The following MPPED1 variants were observed in gnomAD, a reference collection of about 807,000 sequenced individuals.
MPPED1 encodes metallophosphoesterase domain-containing protein 1.
Under a neutral mutation model 36.2 loss-of-function variants are expected in MPPED1, and 16 were observed. The ratio of observed to expected loss-of-function variants is 0.44; its 90% confidence interval spans 0.30 to 0.67. The LOEUF (loss-of-function observed/expected upper bound fraction) is 0.67, where lower values mean the gene tolerates loss of function less well. Ranked by LOEUF, MPPED1 falls within the 30% of genes least tolerant of loss-of-function variation. The pLI is 0.10. For missense variants in MPPED1, 307 were observed against 453.4 expected, an observed-to-expected ratio of 0.68 and a Z score of 2.93; for synonymous variants, 199 against 191.3, an observed-to-expected ratio of 1.04 and a Z score of -0.33.
chr22:43,436,974 A>AG (rs1929983122), intron 3 of MPPED1, among the ~76,000 whole-genome samples: 1 of 152,238 alleles, frequency 6.6e-6, no homozygotes, highest in African/African-American at 2.4e-5. Context: ...CAACTTGTAA[A>AG]GGGGTCTTCC....
intron 3 of MPPED1, among the ~76,000 whole-genome samples, chr22:43,473,008 G>A (rs1931428533): frequency 6.6e-6 from 1 of 152,238 alleles, no homozygotes. Flanking sequence ...TGAGTGTGAT[G>A]GCACATCTTC....
intron 1 of MPPED1, among the ~76,000 whole-genome samples, chr22:43,420,725 C>G (rs1290101240): frequency 6.6e-6 from 1 of 152,178 alleles, no homozygotes; most frequent in Non-Finnish European, 1.5e-5. Flanking sequence ...CTTGATCACC[C>G]AATTTAGTCA....
intron 4 of MPPED1, among the ~76,000 whole-genome samples, chr22:43,496,314 C>T (rs868316128): frequency 0.13 from 718 of 5,444 alleles, 52 homozygotes; most frequent in African/African-American, 0.16. Context: ...GTAGTGGTGG[C>T]GGAGATGGTG....
chr22:43,453,640 C>T (rs1449855696), intron 3 of MPPED1, among the ~76,000 whole-genome samples: 8 of 152,116 alleles, frequency 5.3e-5, no homozygotes. Context: ...TTGTTTATTT[C>T]CAAGATGAGA....
At position 43,425,171 on chromosome 22, in the gene MPPED1, C is replaced by T. The variant is rs1048450771; in HGVS notation, c.186C>T (p.Asn62=). 3.1e-6 allele frequency: 5 copies of T among 1,602,898 alleles called. 1 individual carries two copies. The highest frequency in any genetic ancestry group is 4.3e-6 in the Non-Finnish European group (5 of 1,172,298). ...CCACCCAGGCCTTCACCTTCTACAA[C>T]ATCAACCAGGGCCGCTTCCAGCCAC... ...SNPTQAFTFY[N]INQGRFQPPH... The change falls in exon 2 of 7, where the codon AAC becomes AAT. Residue 62 remains asparagine (N), a synonymous_variant. Coordinates refer to ENST00000443721, the MANE Select transcript of MPPED1 (RefSeq NM_001044370.2).
At chr22:43,422,905 C>T (rs1243666464) in intron 1 of MPPED1, among the ~76,000 whole-genome samples, 1 of 152,100 alleles carries the variant, frequency 6.6e-6, no homozygotes, top group Non-Finnish European at 1.5e-5. Context: ...GGCGCTGTCT[C>T]GGCTCACTGC....
intron 4 of MPPED1, among the ~76,000 whole-genome samples, chr22:43,487,831 A>G (rs989527375): frequency 1.3e-5 from 2 of 152,018 alleles, no homozygotes; most frequent in African/African-American, 4.8e-5. Context: ...GGGCCTCCCA[A>G]CTGTTTTGCC....
intron 4 of MPPED1, among the ~76,000 whole-genome samples, chr22:43,479,407 G>C (rs1931679624): frequency 6.6e-6 from 1 of 152,246 alleles, no homozygotes; most frequent in Non-Finnish European, 1.5e-5. Context: ...CCAGGCTGAG[G>C]GGCAGACGTG....
intron 3 of MPPED1, among the ~76,000 whole-genome samples, chr22:43,452,480 T>A (rs1362353006): frequency 6.6e-6 from 1 of 151,988 alleles, no homozygotes; most frequent in Non-Finnish European, 1.5e-5. Context: ...AGGAAGGGAC[T>A]GTAGGGGGCC....
intron 3 of MPPED1, among the ~76,000 whole-genome samples, chr22:43,451,005 T>A (rs1007731263): frequency 6.7e-6 from 1 of 150,052 alleles, no homozygotes. Flanking sequence ...GGATTACAGG[T>A]GTGAGCCACT....
At chr22:43,446,187 T>C (rs956305829) in intron 3 of MPPED1, among the ~76,000 whole-genome samples, 1 of 152,228 alleles carries the variant, frequency 6.6e-6, no homozygotes, top group Non-Finnish European at 1.5e-5. Context: ...TTACTTTTAA[T>C]GCATTTTTAA....
At chr22:43,432,496 GGA>G (rs1187824429) in intron 2 of MPPED1, among the ~76,000 whole-genome samples, 8 of 120,996 alleles carry the variant, frequency 6.6e-5, no homozygotes, top group Admixed American at 1.7e-4. Flanking sequence ...GAGAAAGGGA[GGA>G]GAGAGAGGGA....
At chr22:43,462,428 T>C (rs1365730967) in intron 3 of MPPED1, among the ~76,000 whole-genome samples, 1 of 152,142 alleles carries the variant, frequency 6.6e-6, no homozygotes, top group African/African-American at 2.4e-5. Flanking sequence ...GGGATTGCTA[T>C]GTTTTGATTT....
chr22:43,478,379 A>G (rs1601999326), intron 4 of MPPED1, among the ~76,000 whole-genome samples: 1 of 152,198 alleles, frequency 6.6e-6, no homozygotes. Flanking sequence ...CCCTGGGGAC[A>G]TGGTGTGGAC....
At chr22:43,441,848 AGGCTGCAG>A (rs1930158876) in intron 3 of MPPED1, among the ~76,000 whole-genome samples, 1 of 152,148 alleles carries the variant, frequency 6.6e-6, no homozygotes, top group African/African-American at 2.4e-5. Context: ...GGAAGGTCTG[AGGCTGCAG>A]GGGGTTTGCC....
intron 4 of MPPED1, 124 bp from the exon 5 acceptor site, chr22:43,498,108 CCTT>C: frequency 1.5e-6 from 1 of 653,880 alleles, no homozygotes; most frequent in Non-Finnish European, 2.6e-6. Flanking sequence ...TAGGTGGAGA[CCTT>C]CCCTGGGTCT....
chr22:43,486,144 C>A (rs763418761), intron 4 of MPPED1, among the ~76,000 whole-genome samples: 1 of 146,388 alleles, frequency 6.8e-6, no homozygotes, highest in South Asian at 2.3e-4. Flanking sequence ...AGTCAACACA[C>A]CGGTCTGGTC....
intron 2 of MPPED1, among the ~76,000 whole-genome samples, chr22:43,434,199 C>T (rs973568599): frequency 3.3e-5 from 5 of 152,248 alleles, no homozygotes; most frequent in African/African-American, 1.2e-4. Flanking sequence ...AGTGAAGTAG[C>T]TTCGTTTTAC....
intron 3 of MPPED1, among the ~76,000 whole-genome samples, chr22:43,440,386 G>C (rs144062373): frequency 1.3e-5 from 2 of 152,274 alleles, no homozygotes; most frequent in Middle Eastern, 3.4e-3. Flanking sequence ...AAATGTGCTA[G>C]CATGCAGGCC....
Sources: allele counts gnomAD v4.1 joint callset (sites outside exome capture counted in the v4.1 genomes callset), GRCh38; gene constraint gnomAD v4.1.1; transcripts MANE v1.5; gene names NCBI Gene and HGNC (gene_info 2026-07-23, HGNC 2026-07-21).